The following HECW1 variants were observed in gnomAD, a reference collection of about 807,000 sequenced individuals.
HECW1 encodes the protein E3 ubiquitin-protein ligase HECW1.
Under a neutral mutation model 182.3 loss-of-function variants are expected in HECW1, and 61 were observed. The observed-to-expected ratio is 0.33, with a 90% CI of 0.27 to 0.41. The LOEUF is 0.41. Among genes scored for constraint, HECW1 ranks in the 10% least tolerant of loss-of-function variants. HECW1 has a pLI of 1.00. For synonymous variants in HECW1, 859 were observed against 832.6 expected (o/e 1.03, Z -0.55); for missense variants, 1,739 against 2,108.9 (o/e 0.82, Z 3.44).
In HECW1 at chr7:43,444,219, T is replaced by A; in HGVS notation, c.1047T>A (p.Asp349Glu). 3.1e-6 allele frequency: 5 copies of A among 1,599,090 alleles called. No individual in the cohort carries two copies. The highest frequency in any genetic ancestry group is 4.3e-6 in the Non-Finnish European group (5 of 1,169,718). ...RFEITSSIHP[D>E]DEEISLSTEP... ...ACATATTTTTCTTCTTACCAGCAGA[T>A]GATGAGGAGATTTCCCTGAGTACCG... The change falls in exon 11 of 30, where the codon GAT becomes GAA. Residue 349 changes from aspartate (D) to glutamate (E), a missense_variant and splice_region_variant. Coordinates refer to ENST00000395891, the MANE Select transcript of HECW1 (RefSeq NM_015052.5). This position sits in a 1 kb window ranked among gnomAD's most constrained non-coding sequence, Gnocchi z 4.3.
chr7:43,305,783 G>C (rs551480330), intron 3 of HECW1, among the ~76,000 whole-genome samples: 2 of 150,722 alleles, frequency 1.3e-5, no homozygotes, highest in Admixed American at 6.6e-5. Context: ...TTTTTGAGAC[G>C]GAGTTTCGCT....
intron 3 of HECW1, among the ~76,000 whole-genome samples, chr7:43,300,026 T>G (rs1806530937): frequency 6.6e-6 from 1 of 152,262 alleles, no homozygotes; most frequent in African/African-American, 2.4e-5. Context: ...TCCATTCTGC[T>G]GTGGCTCACT....
Position 43,508,952 on chromosome 7 carries a change from C to G in HECW1, c.3867-17C>G, listed in dbSNP as rs371070745. Reference sequence around the variant, plus strand: ...CGGGCACAGAATGAGCTTCCTGGACCTCTGCTTTCTTTGCAGCCTGGACTA... The same window carrying G: ...CGGGCACAGAATGAGCTTCCTGGACGTCTGCTTTCTTTGCAGCCTGGACTA... On this transcript the variant is annotated splice_polypyrimidine_tract_variant and intron_variant, in intron 23 of 29. Transcript: ENST00000395891. 6 of 1,612,150 alleles carry G rather than the reference C, an allele frequency of 3.7e-6. No homozygotes were observed. In the East Asian group the frequency reaches 1.3e-4, roughly 36 times the overall value.
intron 5 of HECW1, among the ~76,000 whole-genome samples, chr7:43,325,852 G>A (rs148345569): frequency 2.6e-5 from 4 of 152,248 alleles, no homozygotes; most frequent in East Asian, 3.9e-4. Flanking sequence ...ATTGCTGCAC[G>A]CTGTGGTCTC....
At chr7:43,336,846 C>T (rs1812349667) in intron 5 of HECW1, among the ~76,000 whole-genome samples, 1 of 152,124 alleles carries the variant, frequency 6.6e-6, no homozygotes, top group Admixed American at 6.5e-5. Flanking sequence ...ATAATGGCCT[C>T]CAGCTCCATC....
chr7:43,475,552 T>G (rs1466871020), intron 16 of HECW1, among the ~76,000 whole-genome samples: 1 of 151,962 alleles, frequency 6.6e-6, no homozygotes, highest in Non-Finnish European at 1.5e-5. Context: ...AAATATTTAT[T>G]TATTTATTTA....
At chr7:43,283,836 T>C (rs1042403582) in intron 3 of HECW1, among the ~76,000 whole-genome samples, 1 of 152,250 alleles carries the variant, frequency 6.6e-6, no homozygotes, top group African/African-American at 2.4e-5. Context: ...ATTTCCTCCA[T>C]GTTTTCTGAG....
intron 5 of HECW1, among the ~76,000 whole-genome samples, chr7:43,337,707 G>A (rs1812479510): frequency 6.6e-6 from 1 of 152,186 alleles, no homozygotes; most frequent in Non-Finnish European, 1.5e-5. Context: ...CTCCAACTCA[G>A]CCGAATAGCC....
In HECW1 at chr7:43,346,126, T is replaced by A. The variant is rs557476328; in HGVS notation, c.461-14760T>A. ...ATTCCCACCAGCAGTGTAGAAGTGT[T>A]CCCTGTTCACCACATCCACGCCAAC... On this transcript the variant is annotated intron_variant, in intron 5 of 29. Coordinates refer to ENST00000395891, the MANE Select transcript of HECW1 (RefSeq NM_015052.5). 1.4e-4 allele frequency among the ~76,000 whole-genome samples: 21 copies of A among 152,308 alleles called. No individual in the cohort carries two copies. In the East Asian group the frequency reaches 2.7e-3, roughly 20 times the overall value.
intron 7 of HECW1, among the ~76,000 whole-genome samples, chr7:43,402,555 G>C (rs1005751115): frequency 1.3e-4 from 20 of 152,244 alleles, no homozygotes; most frequent in African/African-American, 4.6e-4. Flanking sequence ...GTTTATAAGG[G>C]CTCAAACACT....
In HECW1 at chr7:43,147,967, C is replaced by T. The variant is rs147449126; in HGVS notation, c.-32+33576C>T. ...TCACTTTCTATTTAGTGATAGTGGG[C>T]AATTTGCAAAGCTCATCCCCCAAAG... On this transcript the variant is annotated intron_variant, in intron 2 of 29. Coordinates refer to ENST00000395891, the MANE Select transcript of HECW1 (RefSeq NM_015052.5). 7.1e-3 allele frequency among the ~76,000 whole-genome samples: 1,088 copies of T among 152,244 alleles called. 10 individuals carry two copies. Among genetic ancestry groups the T allele is most frequent in the African/African-American group, 0.025 (1,042 of 41,542 alleles).
At chr7:43,330,168 C>T (rs953271335) in intron 5 of HECW1, among the ~76,000 whole-genome samples, 2 of 152,160 alleles carry the variant, frequency 1.3e-5, no homozygotes, top group African/African-American at 4.8e-5. Flanking sequence ...GGGCTGGTTT[C>T]CAAACTAAAG....
chr7:43,314,138 A>G (rs1323191076), intron 4 of HECW1, among the ~76,000 whole-genome samples: 1 of 152,196 alleles, frequency 6.6e-6, no homozygotes. Flanking sequence ...AGTCAACTCA[A>G]GGGCATCTTC....
chr7:43,355,985 T>TA (rs1277843595), intron 5 of HECW1, among the ~76,000 whole-genome samples: 3 of 151,242 alleles, frequency 2.0e-5, no homozygotes, highest in Non-Finnish European at 2.9e-5. Context: ...AAGACTCCGT[T>TA]AAAAAAATAA....
chr7:43,469,217 C>G, intron 16 of HECW1, 112 bp downstream of exon 16: 1 of 1,138,696 alleles, frequency 8.8e-7, no homozygotes, highest in African/African-American at 1.5e-5. Context: ...GAGAGATGTG[C>G]TATCGGCCGC....
chr7:43,488,431 A>AG (rs1252787280), intron 17 of HECW1, among the ~76,000 whole-genome samples: 2 of 108,226 alleles, frequency 1.8e-5, no homozygotes, highest in Non-Finnish European at 3.9e-5. Context: ...AGAAAGAAAG[A>AG]AAGAGAAAGA....
At chr7:43,231,018 G>T (rs1162956364) in intron 2 of HECW1, among the ~76,000 whole-genome samples, 1 of 152,164 alleles carries the variant, frequency 6.6e-6, no homozygotes, top group Non-Finnish European at 1.5e-5. Flanking sequence ...GTTCTGTAGG[G>T]AATAGATGCT....
At chr7:43,225,228 A>G (rs1797317823) in intron 2 of HECW1, among the ~76,000 whole-genome samples, 1 of 152,158 alleles carries the variant, frequency 6.6e-6, no homozygotes, top group South Asian at 2.1e-4. Context: ...TTATTTTACA[A>G]CCATCGAGTT....
intron 2 of HECW1, among the ~76,000 whole-genome samples, chr7:43,125,815 G>A (rs1786169946): frequency 6.8e-6 from 1 of 147,726 alleles, no homozygotes; most frequent in Non-Finnish European, 1.5e-5. Flanking sequence ...GCCACTGAAT[G>A]GAGCCAAGCG....
Sources: gnomAD v4.1 joint callset for allele counts (sites outside exome capture counted in the v4.1 genomes callset) on GRCh38, gnomAD v4.1.1 for gene constraint, Gnocchi (gnomAD v3.1) non-coding constraint, MANE v1.5 for transcripts, NCBI Gene and HGNC (gene_info 2026-07-23, HGNC 2026-07-21) for gene names.